GUCY1A2: variants seen among roughly 807,000 people sequenced by gnomAD.
GUCY1A2 encodes the protein guanylate cyclase soluble subunit alpha-2.
Under a neutral mutation model 63.5 loss-of-function variants are expected in GUCY1A2, and 27 were observed. The observed-to-expected ratio is 0.43, with a 90% CI of 0.31 to 0.59. The LOEUF (loss-of-function observed/expected upper bound fraction) is 0.59, where lower values mean the gene tolerates loss of function less well. Ranked by LOEUF, GUCY1A2 falls within the 20% of genes least tolerant of loss-of-function variation. The pLI is 0.11. For missense variants in GUCY1A2, 768 were observed against 913.3 expected (o/e 0.84, Z 2.05); for synonymous variants, 364 against 343.5 (o/e 1.06, Z -0.66).
chr11:106,950,408 A>C (rs1372325045), intron 3 of GUCY1A2, among the ~76,000 whole-genome samples: 3 of 152,210 alleles, frequency 2.0e-5, no homozygotes, highest in Admixed American at 1.3e-4. Flanking sequence ...AATTACAAAG[A>C]GGAGCTGCAG....
At position 106,953,239 on chromosome 11, in the gene GUCY1A2, T is replaced by C. The variant is rs543099883; in HGVS notation, c.488-13061A>G. On this transcript the variant is annotated intron_variant, in intron 3 of 7. Coordinates refer to ENST00000526355, the MANE Select transcript of GUCY1A2 (RefSeq NM_000855.3). ...TATTGAGAGTTAACATGAAGCGATG[T>C]TCAATTTTATCAAAGGCCTTTTCTG... Among the ~76,000 whole-genome samples the C allele has an allele frequency of 5.9e-5, 9 of 152,342 alleles. No homozygotes were observed. The South Asian group carries it at 6.2e-4, about 11-fold the overall frequency.
intron 6 of GUCY1A2, among the ~76,000 whole-genome samples, chr11:106,709,481 TA>T (rs1863008066): frequency 3.6e-5 from 2 of 56,180 alleles, no homozygotes; most frequent in African/African-American, 2.4e-4. Flanking sequence ...TATATTATTA[TA>T]TATTTATATA....
chr11:106,849,685 C>T (rs760541725), intron 4 of GUCY1A2, among the ~76,000 whole-genome samples: 1 of 150,930 alleles, frequency 6.6e-6, no homozygotes, highest in Admixed American at 6.6e-5. Flanking sequence ...GAAAAGGTAA[C>T]CCCCATTTAA....
chr11:106,702,644 A>T (rs2135344581), intron 7 of GUCY1A2, among the ~76,000 whole-genome samples: 1 of 152,148 alleles, frequency 6.6e-6, no homozygotes, highest in East Asian at 1.9e-4. Context: ...TACAGGCCAG[A>T]GGTCTCATTT....
chr11:106,966,781 T>C (rs901619105), intron 3 of GUCY1A2, among the ~76,000 whole-genome samples: 1 of 152,188 alleles, frequency 6.6e-6, no homozygotes, highest in Non-Finnish European at 1.5e-5. Context: ...GCTTGACTAC[T>C]AAATTTGGCA....
chr11:106,976,339 A>G (rs1183807350), intron 3 of GUCY1A2, among the ~76,000 whole-genome samples: 2 of 152,128 alleles, frequency 1.3e-5, no homozygotes, highest in Non-Finnish European at 2.9e-5. Flanking sequence ...CCTCCCAAAA[A>G]ACAATTTATG....
intron 4 of GUCY1A2, among the ~76,000 whole-genome samples, chr11:106,868,182 C>G (rs1859621773): frequency 6.6e-6 from 1 of 151,966 alleles, no homozygotes; most frequent in Non-Finnish European, 1.5e-5. Flanking sequence ...ATGCCGGTAC[C>G]TAGAAAAGGC....
At chr11:106,725,566 A>T (rs1208890301) in intron 6 of GUCY1A2, among the ~76,000 whole-genome samples, 1 of 152,202 alleles carries the variant, frequency 6.6e-6, no homozygotes, top group African/African-American at 2.4e-5. Flanking sequence ...ATATATTTTT[A>T]AAAGTTAATT....
chr11:106,798,297 A>T (rs1591281766), intron 5 of GUCY1A2, among the ~76,000 whole-genome samples: 1 of 152,180 alleles, frequency 6.6e-6, no homozygotes. Context: ...AAAAAAGTCC[A>T]GGACCAGACG....
intron 5 of GUCY1A2, among the ~76,000 whole-genome samples, chr11:106,800,744 A>T (rs989219962): frequency 6.6e-6 from 1 of 151,878 alleles, no homozygotes. Context: ...GTCGTGGGGT[A>T]GGGGGAAGGG....
intron 6 of GUCY1A2, among the ~76,000 whole-genome samples, chr11:106,709,261 A>C (rs1352780548): frequency 4.0e-5 from 2 of 50,500 alleles, no homozygotes; most frequent in Non-Finnish European, 6.4e-5. Context: ...TAATATATAT[A>C]AATATATTTA....
At chr11:106,992,406 T>G (rs1049483962) in intron 1 of GUCY1A2, among the ~76,000 whole-genome samples, 40 of 148,106 alleles carry the variant, frequency 2.7e-4, no homozygotes, top group African/African-American at 9.5e-4. Context: ...CTCAGCTCAC[T>G]GCAACCTCCA....
At chr11:106,853,120 C>A (rs1163756261) in intron 4 of GUCY1A2, among the ~76,000 whole-genome samples, 1 of 152,058 alleles carries the variant, frequency 6.6e-6, no homozygotes. Context: ...CAGAAAAGAT[C>A]TTTTTAGATG....
At chr11:106,888,131 T>C (rs1379558617) in intron 4 of GUCY1A2, among the ~76,000 whole-genome samples, 1 of 151,998 alleles carries the variant, frequency 6.6e-6, no homozygotes, top group African/African-American at 2.4e-5. Context: ...GGGTAACTTG[T>C]CTAAAAAAGT....
At chr11:106,796,441 G>A (rs1230387953) in intron 5 of GUCY1A2, among the ~76,000 whole-genome samples, 1 of 152,154 alleles carries the variant, frequency 6.6e-6, no homozygotes, top group Non-Finnish European at 1.5e-5. Flanking sequence ...GCAGTGGCTG[G>A]TAACAGCTGT....
intron 1 of GUCY1A2, among the ~76,000 whole-genome samples, chr11:107,011,016 C>G (rs1861736255): frequency 2.0e-5 from 3 of 152,180 alleles, no homozygotes; most frequent in Admixed American, 6.5e-5. Flanking sequence ...AGGCGTCAAC[C>G]ACTGCGCCTG....
At chr11:106,950,705 G>A (rs1860894844) in intron 3 of GUCY1A2, among the ~76,000 whole-genome samples, 1 of 152,156 alleles carries the variant, frequency 6.6e-6, no homozygotes, top group African/African-American at 2.4e-5. Context: ...TTTCCACATG[G>A]ACCGATCCTC....
chr11:106,851,730 A>G (rs1859358378), intron 4 of GUCY1A2, among the ~76,000 whole-genome samples: 1 of 151,844 alleles, frequency 6.6e-6, no homozygotes, highest in Non-Finnish European at 1.5e-5. Context: ...ATAGCATACT[A>G]TTTTGATTAC....
rs1862385931 is a variant in GUCY1A2 at position 106,678,715 on chromosome 11, A to G, written c.*8834T>C. On this transcript the variant is annotated 3_prime_UTR_variant, in exon 8 of 8. Coordinates refer to ENST00000526355, the MANE Select transcript of GUCY1A2 (RefSeq NM_000855.3). ...TAGATTTTATTCCGAGAAGTTTACA[A>G]TGCGTTGTTCTATATTCTAATGTGA... 4.9e-6 allele frequency: 1 copy of G among 204,288 alleles called. No individual in the cohort carries two copies. The highest frequency in any genetic ancestry group is 2.3e-5 in the African/African-American group (1 of 43,780). 12.7% of individuals were successfully genotyped at this position (204,288 alleles called of 1,614,324 possible). A position where few individuals can be genotyped will look rare whatever the true frequency, so the allele number is the denominator to read the frequency against.
Sources: allele counts gnomAD v4.1 joint callset (sites outside exome capture counted in the v4.1 genomes callset), GRCh38; gene constraint gnomAD v4.1.1; transcripts MANE v1.5; gene names NCBI Gene and HGNC (gene_info 2026-07-23, HGNC 2026-07-21).